The following KIAA0319 variants were observed in gnomAD, a reference collection of about 807,000 sequenced individuals.
KIAA0319 encodes dyslexia-associated protein KIAA0319.
Under a neutral mutation model 108.4 loss-of-function variants are expected in KIAA0319, and 83 were observed. That is an observed-to-expected ratio of 0.77 (90% CI 0.64 to 0.92). The LOEUF (loss-of-function observed/expected upper bound fraction) is 0.92. Ranked by LOEUF, KIAA0319 falls within the 40% of genes least tolerant of loss-of-function variation. The pLI is 0.00. For synonymous variants in KIAA0319, 484 were observed against 510.4 expected (o/e 0.95, Z 0.70); for missense variants, 1,195 against 1,322.4 (o/e 0.90, Z 1.49).
rs555347292 is a variant in KIAA0319, at chr6:24,567,839, G to A, written c.2140+942C>T. ...TAAGACACAGCCTCAATTTGGAGAT[G>A]AGGCTGCTGTGAGGCAAATCCTGCT... On this transcript the variant is annotated intron_variant, in intron 13 of 20. Transcript: ENST00000378214. 4.6e-5 allele frequency among the ~76,000 whole-genome samples: 7 copies of A among 152,332 alleles called. No homozygotes were observed. In the East Asian group the frequency reaches 9.6e-4, roughly 21 times the overall value.
intron 1 of KIAA0319, among the ~76,000 whole-genome samples, chr6:24,610,555 C>A (rs1050532728): frequency 6.6e-6 from 1 of 152,124 alleles, no homozygotes; most frequent in Non-Finnish European, 1.5e-5. Context: ...TACTATATAA[C>A]CCAGCAATTC....
chr6:24,605,942 C>CTT (rs199929857), intron 1 of KIAA0319, among the ~76,000 whole-genome samples: 23 of 147,264 alleles, frequency 1.6e-4, no homozygotes, highest in Non-Finnish European at 2.4e-4. Flanking sequence ...ATGGATGTTT[C>CTT]TTTTTTTTTT....
intron 1 of KIAA0319, among the ~76,000 whole-genome samples, chr6:24,618,714 G>A (rs191483629): frequency 3.7e-4 from 56 of 151,526 alleles, no homozygotes; most frequent in Non-Finnish European, 7.2e-4. Context: ...AGAGTATTAG[G>A]TCCCAAAGAT....
rs140391024 is a variant in KIAA0319 at position 24,578,181 on chromosome 6, T to A, written c.1434A>T (p.Ile478=). 6.2e-7 allele frequency: 1 copy of A among 1,611,596 alleles called. No individual in the cohort carries two copies. Among genetic ancestry groups the A allele is most frequent in the Non-Finnish European group, 8.5e-7 (1 of 1,177,868 alleles). ...YHWEEINGPF[I]EEKTSVDSPV... The stretch of plus-strand genomic sequence containing the variant: ...GAGAGTCAACTGAAGTCTTCTCTTC[T>A]ATGAAGGGCCCGTTTATTTCTTCCC... The change falls in exon 9 of 21, where the codon ATA becomes ATT. Residue 478 remains isoleucine (I), a synonymous_variant. Coordinates refer to ENST00000378214, the MANE Select transcript of KIAA0319 (RefSeq NM_014809.4).
chr6:24,642,157 G>C (rs535051310), intron 1 of KIAA0319, among the ~76,000 whole-genome samples: 2 of 99,242 alleles, frequency 2.0e-5, no homozygotes, highest in African/African-American at 8.4e-5. Flanking sequence ...GAAGGAGGGA[G>C]GGAGGGAGGG....
At chr6:24,639,289 A>G (rs7760198) in intron 1 of KIAA0319, among the ~76,000 whole-genome samples, 107,092 of 152,040 alleles carry the variant, frequency 0.7, 38,311 homozygotes, top group East Asian at 0.87. Context: ...AAAGACAGAT[A>G]ATCTTAAAAG....
At position 24,645,993 on chromosome 6, in the gene KIAA0319, G is replaced by C. The variant is rs1421754519; in HGVS notation, c.-363C>G. 6.6e-6 allele frequency: 1 copy of C among 152,418 alleles called. No homozygotes were observed. Among genetic ancestry groups the C allele is most frequent in the African/African-American group, 2.4e-5 (1 of 41,398 alleles). 9.4% of individuals were successfully genotyped at this position (152,418 alleles called of 1,614,324 possible). ...ACGTAGCCCCAGAGGAGCGAATCTG[G>C]ACCAAGCCCAAGACAGGCTGAAGCT... On this transcript the variant is annotated 5_prime_UTR_variant, in exon 1 of 21. Coordinates refer to ENST00000378214, the MANE Select transcript of KIAA0319 (RefSeq NM_014809.4).
chr6:24,556,564 C>T (rs776782340), intron 18 of KIAA0319, 43 bp downstream of exon 18: 23 of 1,603,048 alleles, frequency 1.4e-5, no homozygotes, highest in Middle Eastern at 1.7e-4. Flanking sequence ...AATGAGCTGC[C>T]TTAAGGCTCC....
At chr6:24,581,868 G>A (rs753224821) in intron 6 of KIAA0319, among the ~76,000 whole-genome samples, 1 of 152,178 alleles carries the variant, frequency 6.6e-6, no homozygotes, top group African/African-American at 2.4e-5. Flanking sequence ...TTGCAGCTGG[G>A]CGTGGTGGCT....
intron 10 of KIAA0319, among the ~76,000 whole-genome samples, chr6:24,574,885 A>C (rs1765241729): frequency 6.6e-6 from 1 of 152,234 alleles, no homozygotes; most frequent in Non-Finnish European, 1.5e-5. Context: ...ATAATTTCCC[A>C]GGAGTTGCCT....
chr6:24,582,659 TA>T (rs3840134), intron 5 of KIAA0319, among the ~76,000 whole-genome samples: 85 of 144,058 alleles, frequency 5.9e-4, no homozygotes, highest in South Asian at 8.6e-4. Context: ...TGTATAAAGT[TA>T]AAAAAAAAAA....
chr6:24,577,915 T>G (rs565717343), intron 9 of KIAA0319, among the ~76,000 whole-genome samples, 195 bp downstream of exon 9: 23 of 152,350 alleles, frequency 1.5e-4, no homozygotes, highest in Admixed American at 1.0e-3. Flanking sequence ...ATATAAATTT[T>G]ACTCCAATAA....
chr6:24,595,546 C>CAA (rs60291863), intron 3 of KIAA0319, among the ~76,000 whole-genome samples: 13,224 of 41,924 alleles, frequency 0.32, 2,554 homozygotes, highest in East Asian at 0.57. Context: ...GATTCAATCT[C>CAA]AAAAAAAAAA....
At chr6:24,576,309 T>C in intron 10 of KIAA0319, 59 bp downstream of exon 10, 1 of 1,362,962 alleles carries the variant, frequency 7.3e-7, no homozygotes, top group African/African-American at 1.4e-5. Context: ...CAATAGCACA[T>C]AGCTAGGTAG....
intron 2 of KIAA0319, among the ~76,000 whole-genome samples, chr6:24,600,079 G>A (rs951177040): frequency 1.3e-5 from 2 of 151,740 alleles, no homozygotes; most frequent in African/African-American, 4.9e-5. Flanking sequence ...ACATTTATTG[G>A]GATGCAATAA....
In KIAA0319 at chr6:24,577,153, C is replaced by T. The variant is rs191532198; in HGVS notation, c.1506-557G>A. ...ATAACATATTGATGTCAGAGTTTCA[C>T]CTTTATGGATTTCTGATTAGCTTTT... On this transcript the variant is annotated intron_variant, in intron 9 of 20. Coordinates refer to ENST00000378214, the MANE Select transcript of KIAA0319 (RefSeq NM_014809.4). Among the ~76,000 whole-genome samples the T allele has an allele frequency of 5.9e-5, 9 of 152,208 alleles. No homozygotes were observed. The East Asian group carries it at 1.7e-3, about 29-fold the overall frequency.
chr6:24,550,107 T>C (rs1043269707), intron 20 of KIAA0319, among the ~76,000 whole-genome samples: 1 of 152,380 alleles, frequency 6.6e-6, no homozygotes, highest in South Asian at 2.1e-4. Context: ...TTGTTCTTCC[T>C]GTGAGGCTCT....
chr6:24,630,191 T>C (rs1775339090), intron 1 of KIAA0319, among the ~76,000 whole-genome samples: 1 of 150,116 alleles, frequency 6.7e-6, no homozygotes, highest in Non-Finnish European at 1.5e-5. Flanking sequence ...AAAATAAAAA[T>C]AATAATAGCG....
intron 19 of KIAA0319, among the ~76,000 whole-genome samples, chr6:24,552,013 C>CT (rs796799918): frequency 2.8e-3 from 412 of 145,972 alleles, no homozygotes; most frequent in African/African-American, 6.4e-3. Context: ...CCACCTTTTT[C>CT]TTTTTTTTTT....
Sources: gnomAD v4.1 joint callset for allele counts (sites outside exome capture counted in the v4.1 genomes callset) on GRCh38, gnomAD v4.1.1 for gene constraint, MANE v1.5 for transcripts, NCBI Gene and HGNC (gene_info 2026-07-23, HGNC 2026-07-21) for gene names.